PPP6R3: variants seen among roughly 807,000 people sequenced by gnomAD.
PPP6R3 encodes serine/threonine-protein phosphatase 6 regulatory subunit 3.
Under a neutral mutation model 110.7 loss-of-function variants are expected in PPP6R3, and 38 were observed. The ratio of observed to expected loss-of-function variants is 0.34; its 90% CI spans 0.26 to 0.45. PPP6R3 has a LOEUF of 0.45. PPP6R3 is among the 20% of genes least tolerant of loss of function. The pLI is 1.00. For synonymous variants in PPP6R3, 369 were observed against 373.5 expected (o/e 0.99, Z 0.14); for missense variants, 870 against 1,062.4 (o/e 0.82, Z 2.52).
chr11:68,463,593 G>A (rs955346236), intron 1 of PPP6R3, among the ~76,000 whole-genome samples: 1 of 152,100 alleles, frequency 6.6e-6, no homozygotes, highest in African/African-American at 2.4e-5. Flanking sequence ...GTAAATGATA[G>A]TGAAAATAAA....
intron 1 of PPP6R3, among the ~76,000 whole-genome samples, chr11:68,485,148 A>G (rs2098938447): frequency 6.6e-6 from 1 of 151,856 alleles, no homozygotes; most frequent in Non-Finnish European, 1.5e-5. Context: ...ATATGTTAAT[A>G]TAAATAATTT....
chr11:68,493,794 T>G (rs889552584), intron 1 of PPP6R3, among the ~76,000 whole-genome samples: 1 of 151,734 alleles, frequency 6.6e-6, no homozygotes, highest in Non-Finnish European at 1.5e-5. Context: ...TATGTCATTA[T>G]AGTACTCTTT....
chr11:68,503,116 G>A (rs532726320), intron 1 of PPP6R3, among the ~76,000 whole-genome samples: 4 of 152,148 alleles, frequency 2.6e-5, no homozygotes, highest in Admixed American at 2.6e-4. Flanking sequence ...GCTAATTTTT[G>A]TATTTTTTAG....
At chr11:68,474,296 T>G (rs1421122445) in intron 1 of PPP6R3, among the ~76,000 whole-genome samples, 3 of 152,228 alleles carry the variant, frequency 2.0e-5, no homozygotes, top group Non-Finnish European at 4.4e-5. Context: ...TCCACCCACC[T>G]TGGCCTCTCA....
At chr11:68,514,566 TTA>T (rs1266886631) in intron 1 of PPP6R3, among the ~76,000 whole-genome samples, 1 of 152,134 alleles carries the variant, frequency 6.6e-6, no homozygotes, top group Admixed American at 6.5e-5. Context: ...CTCATTTTTT[TTA>T]TGTTTCTCAA....
chr11:68,471,462 C>T (rs1288742199), intron 1 of PPP6R3, among the ~76,000 whole-genome samples: 1 of 151,958 alleles, frequency 6.6e-6, no homozygotes, highest in Non-Finnish European at 1.5e-5. Flanking sequence ...GGGACCTCTG[C>T]CAGTGCTGCT....
intron 17 of PPP6R3, 133 bp from the exon 18 acceptor site, chr11:68,591,443 T>C: frequency 1.3e-6 from 1 of 769,744 alleles, no homozygotes; most frequent in Admixed American, 3.6e-5. Context: ...GTGTTTATAT[T>C]TTATTTTGGT....
chr11:68,477,454 C>G (rs866364487), intron 1 of PPP6R3, among the ~76,000 whole-genome samples: 1 of 151,890 alleles, frequency 6.6e-6, no homozygotes, highest in Non-Finnish European at 1.5e-5. Context: ...GGTGCAGTGA[C>G]TTATGCCTGT....
At chr11:68,564,813 C>T (rs558618761) in intron 9 of PPP6R3, among the ~76,000 whole-genome samples, 4 of 152,108 alleles carry the variant, frequency 2.6e-5, no homozygotes, top group Non-Finnish European at 5.9e-5. Context: ...GATGTATAGT[C>T]GACCTTATTT....
At chr11:68,567,307 G>A in intron 10 of PPP6R3, 141 bp downstream of exon 10, 1 of 938,304 alleles carries the variant, frequency 1.1e-6, no homozygotes, top group Non-Finnish European at 1.5e-6. Context: ...TGTAGTTTTT[G>A]CCTTGAGTTT....
intron 2 of PPP6R3, among the ~76,000 whole-genome samples, chr11:68,526,919 A>G (rs61326732): frequency 5.9e-4 from 90 of 152,346 alleles, no homozygotes; most frequent in African/African-American, 2.1e-3. Flanking sequence ...AGTTGACAAA[A>G]GTAAGGCTGG....
chr11:68,612,283 G>A (rs909649791), intron 23 of PPP6R3, among the ~76,000 whole-genome samples: 1 of 152,200 alleles, frequency 6.6e-6, no homozygotes, highest in Non-Finnish European at 1.5e-5. Flanking sequence ...CTGACTTTTT[G>A]GCTCACTGTA....
intron 7 of PPP6R3, among the ~76,000 whole-genome samples, chr11:68,555,602 AC>A (rs2099396215): frequency 6.6e-6 from 1 of 152,078 alleles, no homozygotes; most frequent in Non-Finnish European, 1.5e-5. Flanking sequence ...TCTTCGTGCC[AC>A]TCCAAGCCTT....
chr11:68,609,767 T>C, intron 22 of PPP6R3, 137 bp from the exon 23 acceptor site: 1 of 1,548,926 alleles, frequency 6.5e-7, no homozygotes, highest in South Asian at 1.1e-5. Flanking sequence ...TCGTGCACCC[T>C]GCGCATGCTC....
intron 11 of PPP6R3, among the ~76,000 whole-genome samples, chr11:68,570,394 A>T (rs192830660): frequency 1.3e-5 from 2 of 152,178 alleles, no homozygotes; most frequent in African/African-American, 2.4e-5. Context: ...TGGTAGTTCT[A>T]TGGTACTTTT....
At chr11:68,489,625 G>T (rs888730445) in intron 1 of PPP6R3, among the ~76,000 whole-genome samples, 1 of 150,438 alleles carries the variant, frequency 6.6e-6, no homozygotes, top group African/African-American at 2.5e-5. Flanking sequence ...TATTTGCCAG[G>T]GTATCAGCGC....
At chr11:68,598,779 G>A (rs1279569280) in intron 19 of PPP6R3, among the ~76,000 whole-genome samples, 1 of 152,224 alleles carries the variant, frequency 6.6e-6, no homozygotes, top group Non-Finnish European at 1.5e-5. Context: ...AACTCAGATA[G>A]AATGATTCCA....
intron 4 of PPP6R3, among the ~76,000 whole-genome samples, chr11:68,545,225 T>C (rs1420224511): frequency 1.3e-5 from 2 of 152,274 alleles, no homozygotes; most frequent in Non-Finnish European, 2.9e-5. Context: ...TAATCTCAAA[T>C]TTCACTTAAT....
rs1033082212 is a variant in PPP6R3 at position 68,609,683 on chromosome 11, T to C, written c.2451-221T>C. 5 of 1,573,876 alleles carry C rather than the reference T, an allele frequency of 3.2e-6. No homozygotes were observed. In the Admixed American group the frequency reaches 9.4e-5, roughly 30 times the overall value. The stretch of plus-strand genomic sequence containing the variant: ...ATCAGACGCCAGCCACATTACATTG[T>C]CCCTGTTTTGGTTCCCACCTGTGTG... On this transcript the variant is annotated intron_variant, in intron 22 of 23. Coordinates refer to ENST00000393800, the MANE Select transcript of PPP6R3 (RefSeq NM_001164161.2).
Sources: allele counts gnomAD v4.1 joint callset (sites outside exome capture counted in the v4.1 genomes callset), GRCh38; gene constraint gnomAD v4.1.1; transcripts MANE v1.5; gene names NCBI Gene and HGNC (gene_info 2026-07-23, HGNC 2026-07-21).